VPS13D: variants seen among roughly 807,000 people sequenced by gnomAD.
VPS13D encodes intermembrane lipid transfer protein VPS13D.
A neutral mutation model predicts 461.9 loss-of-function variants in VPS13D; 187 were observed. The observed-to-expected ratio is 0.40, with a 90% CI of 0.36 to 0.46. The LOEUF (loss-of-function observed/expected upper bound fraction) is 0.46, where lower values mean the gene tolerates loss of function less well. Ranked by LOEUF, VPS13D falls within the 20% of genes least tolerant of loss-of-function variation. The pLI, the probability that VPS13D is intolerant of heterozygous loss-of-function variation, is 0.60. For missense variants in VPS13D, 4,711 were observed against 5,364.9 expected, an observed-to-expected ratio of 0.88 and a Z score of 3.81; for synonymous variants, 1,951 against 1,986.3, an observed-to-expected ratio of 0.98 and a Z score of 0.47.
At chr1:12,427,898 G>A (rs1297452679) in intron 65 of VPS13D, among the ~76,000 whole-genome samples, 1 of 152,186 alleles carries the variant, frequency 6.6e-6, no homozygotes, top group Non-Finnish European at 1.5e-5. Flanking sequence ...GAGAACAGAG[G>A]TGGAGAAAAA....
At chr1:12,273,724 C>A (rs1025705558) in intron 18 of VPS13D, among the ~76,000 whole-genome samples, 2 of 152,016 alleles carry the variant, frequency 1.3e-5, no homozygotes, top group Admixed American at 1.3e-4. Flanking sequence ...TAATATATAC[C>A]GATACTTCCT....
intron 60 of VPS13D, among the ~76,000 whole-genome samples, chr1:12,393,247 A>T (rs2101667391): frequency 6.6e-6 from 1 of 152,374 alleles, no homozygotes; most frequent in South Asian, 2.1e-4. Context: ...GTAATGGACC[A>T]GTGTGATATT....
At chr1:12,256,230 A>ATGGC in intron 7 of VPS13D, 103 bp from the exon 8 acceptor site, 1 of 1,347,108 alleles carries the variant, frequency 7.4e-7, no homozygotes, top group East Asian at 2.3e-5. Context: ...GACACAGCCT[A>ATGGC]TGGCTGAGCT....
chr1:12,272,200 T>A (rs1193425904), intron 17 of VPS13D, among the ~76,000 whole-genome samples: 1 of 151,980 alleles, frequency 6.6e-6, no homozygotes, highest in Non-Finnish European at 1.5e-5. Context: ...ATCAAAATAG[T>A]CCAGTAAAGC....
At chr1:12,250,318 C>T (rs954411237) in intron 6 of VPS13D, among the ~76,000 whole-genome samples, 5 of 152,184 alleles carry the variant, frequency 3.3e-5, no homozygotes, top group African/African-American at 1.2e-4. Context: ...CATCTTGAGC[C>T]TGTCTAGGGA....
intron 67 of VPS13D, among the ~76,000 whole-genome samples, chr1:12,488,346 T>A (rs559196727): frequency 1.3e-5 from 2 of 152,334 alleles, no homozygotes; most frequent in Admixed American, 6.5e-5. Context: ...TATTAAGTTC[T>A]CACCTATTGA....
In VPS13D at chr1:12,282,692, C is replaced by G. The variant is rs1483945008; in HGVS notation, c.4603-13C>G. On this transcript the variant is annotated splice_polypyrimidine_tract_variant and intron_variant, in intron 20 of 69. Coordinates refer to ENST00000620676, the MANE Select transcript of VPS13D (RefSeq NM_015378.4). The stretch of plus-strand genomic sequence containing the variant: ...ATAATAAGAGTAACTGAATTTTTCT[C>G]TTTTCAATACAGGTGGTGTTAGCAA... The G allele has an allele frequency of 6.3e-7, 1 of 1,579,136 alleles. No individual in the cohort carries two copies. Among genetic ancestry groups the G allele is most frequent in the Non-Finnish European group, 8.6e-7 (1 of 1,159,568 alleles).
chr1:12,248,951 CATAAT>C (rs1640644783), intron 5 of VPS13D, among the ~76,000 whole-genome samples: 1 of 151,906 alleles, frequency 6.6e-6, no homozygotes, highest in South Asian at 2.1e-4. Context: ...GTTATGATAA[CATAAT>C]ATAACATAAC....
intron 52 of VPS13D, among the ~76,000 whole-genome samples, chr1:12,365,535 G>A (rs1187829643): frequency 6.6e-6 from 1 of 151,862 alleles, no homozygotes; most frequent in African/African-American, 2.4e-5. Context: ...GAAACCCCAT[G>A]TCTACTGAAA....
chr1:12,478,407 GC>G (rs1645664581), intron 67 of VPS13D: 2 of 165,174 alleles, frequency 1.2e-5, no homozygotes, highest in African/African-American at 4.8e-5. Context: ...TTGCGGTCTG[GC>G]CCAATGCCAG....
rs190698094 is a variant in VPS13D, at chr1:12,509,115, C to T, written c.*91C>T. On this transcript the variant is annotated 3_prime_UTR_variant, in exon 70 of 70. Coordinates refer to ENST00000620676, the MANE Select transcript of VPS13D (RefSeq NM_015378.4). ...TCTCAGCTGACGATGGAGGCAGAAC[C>T]GGAGTCGGGTTTGGGGAAGTTGTCA... 5 of 1,451,546 alleles carry T rather than the reference C, an allele frequency of 3.4e-6. No homozygotes were observed. Among genetic ancestry groups the T allele is most frequent in the East Asian group, 2.5e-5 (1 of 40,100 alleles). 89.9% of individuals were successfully genotyped at this position (1,451,546 alleles called of 1,614,324 possible). A position where few individuals can be genotyped will look rare whatever the true frequency, so the allele number is the denominator to read the frequency against.
At chr1:12,444,368 C>G (rs1645167565) in intron 65 of VPS13D, among the ~76,000 whole-genome samples, 1 of 152,050 alleles carries the variant, frequency 6.6e-6, no homozygotes, top group Admixed American at 6.5e-5. Flanking sequence ...CGATATGATT[C>G]TCAGGCTTGG....
chr1:12,341,565 A>G (rs1173610963), intron 40 of VPS13D, among the ~76,000 whole-genome samples: 1 of 152,148 alleles, frequency 6.6e-6, no homozygotes, highest in African/African-American at 2.4e-5. Context: ...GAGTTGTGGA[A>G]GAATTGGGGG....
rs1337597845 is a variant in VPS13D at position 12,401,337 on chromosome 1, CA to C, written c.11785-270del. Among the ~76,000 whole-genome samples, 5 of 152,296 alleles carry C rather than the reference CA, an allele frequency of 3.3e-5. No individual in the cohort carries two copies. In the East Asian group the frequency reaches 9.6e-4, roughly 29 times the overall value. On this transcript the variant is annotated intron_variant, in intron 61 of 69. Coordinates refer to ENST00000620676, the MANE Select transcript of VPS13D (RefSeq NM_015378.4). ...AGCACACACCATAAAGTTCATCCAC[CA>C]CAGTGCATCTGAGGCTGGAATCCTG...
intron 26 of VPS13D, among the ~76,000 whole-genome samples, chr1:12,308,209 G>T (rs948861035): frequency 6.6e-6 from 1 of 152,130 alleles, no homozygotes; most frequent in Non-Finnish European, 1.5e-5. Context: ...GGAGGCGGGT[G>T]GGCAGGGTGT....
chr1:12,496,834 A>C (rs1645964573), intron 67 of VPS13D, among the ~76,000 whole-genome samples: 1 of 152,094 alleles, frequency 6.6e-6, no homozygotes, highest in African/African-American at 2.4e-5. Flanking sequence ...GAGCCTCTGC[A>C]GAATCCCAGC....
intron 67 of VPS13D, chr1:12,465,325 G>T (rs539418781): frequency 3.9e-5 from 6 of 152,284 alleles, no homozygotes; most frequent in African/African-American, 1.4e-4. Flanking sequence ...TTTAAGTCAA[G>T]ACCCAAAAGT....
At chr1:12,382,359 C>A (rs1644294271) in intron 57 of VPS13D, among the ~76,000 whole-genome samples, 1 of 152,154 alleles carries the variant, frequency 6.6e-6, no homozygotes, top group Non-Finnish European at 1.5e-5. Flanking sequence ...GCCTTGGCCT[C>A]CCGAAGTGCT....
In VPS13D at chr1:12,261,126, A is replaced by G. The variant is rs373709525; in HGVS notation, c.1391A>G (p.Gln464Arg). 6 of 1,614,122 alleles carry G rather than the reference A, an allele frequency of 3.7e-6. No individual in the cohort carries two copies. Among genetic ancestry groups the G allele is most frequent in the Non-Finnish European group, 5.1e-6 (6 of 1,180,048 alleles). Residue 464 changes from glutamine to arginine, a missense_variant, in exon 12 of 70, where the codon CAG (glutamine) becomes CGG (arginine). This residue lies in a region of VPS13D where 4,411 missense variants were observed against 4,937.8 expected (regional missense o/e 0.89). Coordinates refer to ENST00000620676, the MANE Select transcript of VPS13D (RefSeq NM_015378.4). ...GGACTGTCAGCAGAGCAACAGGAGC[A>G]GTGGATTCCTGAAGAGATCCTGGGT... ...VEGLSAEQQE[Q>R]WIPEEILGTE...
Sources: gnomAD v4.1 joint callset for allele counts (sites outside exome capture counted in the v4.1 genomes callset) on GRCh38, gnomAD v4.1.1 for gene constraint, gnomAD v4.1.1 regional missense constraint, MANE v1.5 for transcripts, NCBI Gene and HGNC (gene_info 2026-07-23, HGNC 2026-07-21) for gene names.